PRKCA: variants seen among roughly 807,000 people sequenced by gnomAD.
PRKCA encodes the protein protein kinase C alpha type.
PRKCA carries 27 observed loss-of-function variants against 87.0 expected under a neutral mutation model. The observed-to-expected ratio is 0.31, with a 90% CI of 0.23 to 0.43. The LOEUF is 0.43. Ranked by LOEUF, PRKCA falls within the 20% of genes least tolerant of loss-of-function variation. The probability of loss-of-function intolerance (pLI) is 1.00; values close to 1 mark genes in which losing one functional copy is unlikely to be tolerated. For missense variants in PRKCA, 518 were observed against 852.3 expected, an observed-to-expected ratio of 0.61 and a Z score of 4.88; for synonymous variants, 329 against 311.1, an observed-to-expected ratio of 1.06 and a Z score of -0.61.
At position 66,489,393 on chromosome 17, in the gene PRKCA, AT is replaced by A. The variant is rs1485664353; in HGVS notation, c.206-6807del. ...TATATATATATATATATATATATAT[AT>A]ATTTCCCCCCTCAATGAATATAGCA... On this transcript the variant is annotated intron_variant, in intron 2 of 16. Transcript: ENST00000413366. Among the ~76,000 whole-genome samples the A allele has an allele frequency of 2.6e-5, 3 of 117,056 alleles. No homozygotes were observed. The East Asian group carries it at 7.4e-4, about 29-fold the overall frequency. 76.8% of individuals were successfully genotyped at this position (117,056 alleles called of 152,430 possible). A position where few individuals can be genotyped will look rare whatever the true frequency, so the allele number is the denominator to read the frequency against.
At chr17:66,352,558 G>GTTTTTTTTTTTTTTTTTTTTTTTTTTTT (rs56317931) in intron 2 of PRKCA, among the ~76,000 whole-genome samples, 1 of 83,758 alleles carries the variant, frequency 1.2e-5, no homozygotes, top group Non-Finnish European at 2.1e-5. Flanking sequence ...GTTTTTTGAG[G>GTTTTTTTTTTTTTTTTTTTTTTTTTTTT]TTTTTTTTTT....
chr17:66,788,311 C>A (rs1325200909), intron 15 of PRKCA, among the ~76,000 whole-genome samples: 1 of 152,098 alleles, frequency 6.6e-6, no homozygotes, highest in Non-Finnish European at 1.5e-5. Flanking sequence ...GTCTCTGTGT[C>A]CTGCAGTGGG....
At chr17:66,449,770 G>A (rs1914216836) in intron 2 of PRKCA, among the ~76,000 whole-genome samples, 1 of 152,180 alleles carries the variant, frequency 6.6e-6, no homozygotes, top group African/African-American at 2.4e-5. Context: ...CAGCGCCTGT[G>A]TAAAGGTGGA....
intron 2 of PRKCA, among the ~76,000 whole-genome samples, chr17:66,381,930 T>G (rs9896272): frequency 0.012 from 1,779 of 152,274 alleles, 47 homozygotes; most frequent in African/African-American, 0.041. Flanking sequence ...AGGCTGGTAA[T>G]ACAATGATGT....
At chr17:66,645,116 G>C (rs1266057668) in intron 4 of PRKCA, among the ~76,000 whole-genome samples, 2 of 152,130 alleles carry the variant, frequency 1.3e-5, no homozygotes, top group Non-Finnish European at 2.9e-5. Flanking sequence ...TTAAATACTT[G>C]AAACAATCAC....
rs1252185700 is a variant in PRKCA, at chr17:66,803,829, G to A, written c.1855-44G>A. 8 of 1,602,488 alleles carry A rather than the reference G, an allele frequency of 5.0e-6. No individual in the cohort carries two copies. Among genetic ancestry groups the A allele is most frequent in the Admixed American group, 1.7e-5 (1 of 59,740 alleles). ...GCCCTCGGAGAGCTGCTCCCGCATT[G>A]TCATGTTGACTGACCTTTCCTTCTT... On this transcript the variant is annotated intron_variant, in intron 16 of 16. Coordinates refer to ENST00000413366, the MANE Select transcript of PRKCA (RefSeq NM_002737.3). This position sits in a 1 kb window ranked among gnomAD's most constrained non-coding sequence, Gnocchi z 4.4.
At chr17:66,650,591 T>C (rs965495621) in intron 5 of PRKCA, among the ~76,000 whole-genome samples, 2 of 151,950 alleles carry the variant, frequency 1.3e-5, no homozygotes, top group African/African-American at 4.8e-5. Flanking sequence ...ACAACTTGAG[T>C]TTGTTAATTT....
At chr17:66,610,002 G>A (rs979903450) in intron 3 of PRKCA, among the ~76,000 whole-genome samples, 3 of 151,912 alleles carry the variant, frequency 2.0e-5, no homozygotes, top group African/African-American at 7.3e-5. Context: ...TATCTACCTG[G>A]AGATAGCATC....
intron 2 of PRKCA, among the ~76,000 whole-genome samples, chr17:66,343,635 C>T (rs1352680591): frequency 6.6e-6 from 1 of 151,694 alleles, no homozygotes; most frequent in Non-Finnish European, 1.5e-5. Flanking sequence ...GCGACTTGGA[C>T]GGAGGAGGTG....
At position 66,380,996 on chromosome 17, in the gene PRKCA, G is replaced by T. The variant is rs145009429; in HGVS notation, c.205+74869G>T. Among the ~76,000 whole-genome samples, 3 of 149,952 alleles carry T rather than the reference G, an allele frequency of 2.0e-5. No individual in the cohort carries two copies. In the East Asian group the frequency reaches 5.9e-4, roughly 30 times the overall value. On this transcript the variant is annotated intron_variant, in intron 2 of 16. Coordinates refer to ENST00000413366, the MANE Select transcript of PRKCA (RefSeq NM_002737.3). The stretch of plus-strand genomic sequence containing the variant: ...TTTCTGTCACTCACGCTAGAGTACA[G>T]TGGCACCATCATAGCTCACTGTAGC...
intron 2 of PRKCA, among the ~76,000 whole-genome samples, chr17:66,335,588 C>T (rs1357122249): frequency 7.7e-6 from 1 of 129,952 alleles, no homozygotes; most frequent in Non-Finnish European, 1.7e-5. Context: ...CCCCACTGCC[C>T]AAAAAAAAAA....
Position 66,689,975 on chromosome 17 carries a change from T to G in PRKCA, c.918+928T>G, listed in dbSNP as rs1349989647. ...ATGTGTGTAGATGCTGAACTGCTAC[T>G]GAAATGTTGACACTAATGGGATGCT... On this transcript the variant is annotated intron_variant, in intron 8 of 16. Coordinates refer to ENST00000413366, the MANE Select transcript of PRKCA (RefSeq NM_002737.3). This position sits in a 1 kb window ranked among gnomAD's most constrained non-coding sequence, Gnocchi z 4.1. 6.6e-6 allele frequency among the ~76,000 whole-genome samples: 1 copy of G among 151,802 alleles called. No homozygotes were observed. The highest frequency in any genetic ancestry group is 1.5e-5 in the Non-Finnish European group (1 of 67,936).
chr17:66,633,569 C>T (rs547465539), intron 3 of PRKCA, among the ~76,000 whole-genome samples: 12 of 152,224 alleles, frequency 7.9e-5, no homozygotes, highest in East Asian at 1.9e-4. Context: ...GAAGTTGCAC[C>T]GCAGAGCTTC....
chr17:66,357,519 C>A (rs1447109706), intron 2 of PRKCA, among the ~76,000 whole-genome samples: 1 of 152,116 alleles, frequency 6.6e-6, no homozygotes, highest in South Asian at 2.1e-4. Context: ...ATTTCTAATT[C>A]TGTTAAGGAA....
In PRKCA at chr17:66,413,239, T is replaced by C. The variant is rs139034183; in HGVS notation, c.206-82962T>C. Among the ~76,000 whole-genome samples the C allele has an allele frequency of 8.9e-4, 135 of 152,292 alleles. 2 individuals are homozygous for C. In the East Asian group the frequency reaches 0.025, roughly 28 times the overall value. ...ATCTACTAGGGCAGCTCACAGAACTTAGGCAAATACTTATATTTGCTGATT... is the reference window on the plus strand; with the variant it reads ...ATCTACTAGGGCAGCTCACAGAACTCAGGCAAATACTTATATTTGCTGATT... On this transcript the variant is annotated intron_variant, in intron 2 of 16. Transcript: ENST00000413366.
intron 5 of PRKCA, chr17:66,676,511 C>T (rs956028082): frequency 2.6e-5 from 4 of 152,314 alleles, no homozygotes; most frequent in African/African-American, 7.2e-5. Context: ...GCACATGTTC[C>T]TTTAAGATCC....
chr17:66,588,213 G>A (rs989684581), intron 3 of PRKCA, among the ~76,000 whole-genome samples: 1 of 152,010 alleles, frequency 6.6e-6, no homozygotes, highest in Non-Finnish European at 1.5e-5. Context: ...TGCTGGGAAG[G>A]TTAAACACCT....
At chr17:66,799,646 G>A (rs1292558519) in intron 16 of PRKCA, among the ~76,000 whole-genome samples, 1 of 128,844 alleles carries the variant, frequency 7.8e-6, no homozygotes, top group Non-Finnish European at 1.7e-5. Context: ...GGTGGTGATG[G>A]TGGTGGTAGT....
chr17:66,562,087 TTAAA>T (rs1968705624), intron 3 of PRKCA, among the ~76,000 whole-genome samples: 2 of 112,776 alleles, frequency 1.8e-5, no homozygotes, highest in South Asian at 5.4e-4. Context: ...ATATATATAA[TTAAA>T]TATATATAAT....
Sources: allele counts gnomAD v4.1 joint callset (sites outside exome capture counted in the v4.1 genomes callset), GRCh38; gene constraint gnomAD v4.1.1; non-coding constraint Gnocchi (gnomAD v3.1); transcripts MANE v1.5; gene names NCBI Gene and HGNC (gene_info 2026-07-23, HGNC 2026-07-21).